The following KCNH5 variants were observed in gnomAD, a reference collection of about 807,000 sequenced individuals.
KCNH5 encodes potassium voltage-gated channel subfamily H member 5, also known as voltage-gated delayed rectifier potassium channel KCNH5.
Under a neutral mutation model 96.1 loss-of-function variants are expected in KCNH5, and 46 were observed. The ratio of observed to expected loss-of-function variants is 0.48; its 90% CI spans 0.38 to 0.61. The LOEUF is 0.61. Among genes scored for constraint, KCNH5 ranks in the 20% least tolerant of loss-of-function variants. The pLI is 0.00. For synonymous variants in KCNH5, 439 were observed against 449.8 expected (o/e 0.98, Z 0.30); for missense variants, 907 against 1,225.8 (o/e 0.74, Z 3.88).
intron 7 of KCNH5, among the ~76,000 whole-genome samples, chr14:62,946,980 G>A (rs996023728): frequency 1.3e-5 from 2 of 152,054 alleles, no homozygotes; most frequent in Non-Finnish European, 2.9e-5. Context: ...GAACAGTTCT[G>A]TATCTTGATT....
chr14:62,996,729 T>C (rs373164386), intron 4 of KCNH5, among the ~76,000 whole-genome samples: 9 of 152,296 alleles, frequency 5.9e-5, no homozygotes, highest in Middle Eastern at 3.4e-3. Context: ...TAAATAGATA[T>C]GTAGTTACTG....
intron 7 of KCNH5, among the ~76,000 whole-genome samples, chr14:62,910,941 A>ACACACACACACACACACACACC: frequency 2.1e-5 from 3 of 140,888 alleles, no homozygotes; most frequent in South Asian, 4.7e-4. Flanking sequence ...ACACACACAC[A>ACACACACACACACACACACACC]CCCCTCTGTT....
chr14:62,842,941 C>T (rs1011370145), intron 8 of KCNH5, among the ~76,000 whole-genome samples: 7 of 152,084 alleles, frequency 4.6e-5, no homozygotes, highest in African/African-American at 1.7e-4. Context: ...ATCATTCAGA[C>T]ACAATCATAT....
rs139216788 is a variant in KCNH5, at chr14:62,777,250, T to C, written c.2019+2478A>G. ...GTGGCTTTGACAAGCTAAAACAACA[T>C]GGTAGTCTAAAAAATACAGGTTTTA... On this transcript the variant is annotated intron_variant, in intron 10 of 10. Transcript: ENST00000322893. 6.1e-3 allele frequency among the ~76,000 whole-genome samples: 925 copies of C among 152,322 alleles called. 8 individuals carry two copies. Among genetic ancestry groups the C allele is most frequent in the African/African-American group, 0.021 (853 of 41,574 alleles).
chr14:63,002,204 A>T (rs1209661529), intron 3 of KCNH5, among the ~76,000 whole-genome samples: 2 of 152,058 alleles, frequency 1.3e-5, no homozygotes, highest in Non-Finnish European at 2.9e-5. Flanking sequence ...GGACTCTATC[A>T]CCTCGTTCTT....
At chr14:62,883,220 C>T (rs564753409) in intron 7 of KCNH5, among the ~76,000 whole-genome samples, 1 of 152,282 alleles carries the variant, frequency 6.6e-6, no homozygotes, top group South Asian at 2.1e-4. Context: ...ATCGGGACAA[C>T]TTTTTGAGTA....
At chr14:62,783,930 T>G (rs561476926) in intron 9 of KCNH5, among the ~76,000 whole-genome samples, 1 of 151,976 alleles carries the variant, frequency 6.6e-6, no homozygotes, top group Admixed American at 6.6e-5. Context: ...AGAAATCTAC[T>G]TTATCTTCTT....
At chr14:62,956,114 GC>G in intron 6 of KCNH5, among the ~76,000 whole-genome samples, 1 of 152,192 alleles carries the variant, frequency 6.6e-6, no homozygotes, top group Non-Finnish European at 1.5e-5. Flanking sequence ...TCTTGAACAG[GC>G]CTCCAATGCC....
chr14:62,912,037 C>CAAAAAAAAAAAAA (rs1163755853), intron 7 of KCNH5, among the ~76,000 whole-genome samples: 1 of 79,666 alleles, frequency 1.3e-5, no homozygotes, highest in Non-Finnish European at 2.4e-5. Flanking sequence ...GACTCCTAAT[C>CAAAAAAAAAAAAA]AAAAAAAAAA....
chr14:62,916,490 A>G (rs1239122972), intron 7 of KCNH5, among the ~76,000 whole-genome samples: 1 of 152,234 alleles, frequency 6.6e-6, no homozygotes, highest in Admixed American at 6.5e-5. Context: ...TGTGAGAAAT[A>G]ATTAACTTCG....
chr14:63,015,800 C>T (rs1400552118), intron 2 of KCNH5, among the ~76,000 whole-genome samples: 1 of 151,858 alleles, frequency 6.6e-6, no homozygotes, highest in East Asian at 1.9e-4. Flanking sequence ...TATTTTTGAT[C>T]TGTATTTCTC....
intron 5 of KCNH5, 120 bp from the exon 6 acceptor site, chr14:62,981,384 T>C: frequency 2.1e-6 from 2 of 935,468 alleles, no homozygotes; most frequent in Non-Finnish European, 3.2e-6. Context: ...GCCTCCCTCT[T>C]CTCCTGAGTT....
At chr14:62,861,273 T>TTTTA (rs1888027274) in intron 7 of KCNH5, among the ~76,000 whole-genome samples, 1 of 91,476 alleles carries the variant, frequency 1.1e-5, no homozygotes, top group Admixed American at 1.1e-4. Context: ...TAAAAATTGA[T>TTTTA]TTTTTTTTTT....
chr14:63,027,504 G>C lies in KCNH5; in HGVS notation c.74-10550C>G, dbSNP rs573559052. 3.4e-5 allele frequency among the ~76,000 whole-genome samples: 5 copies of C among 149,092 alleles called. No individual in the cohort carries two copies. The East Asian group carries it at 9.9e-4, about 29-fold the overall frequency. ...GAAAAAAAAAAAAAAACTCTGAGTT[G>C]TTATGTCTGATTGACTATGTGAGCA... is the stretch of plus-strand genomic sequence containing the variant. On this transcript the variant is annotated intron_variant, in intron 1 of 10. Coordinates refer to ENST00000322893, the MANE Select transcript of KCNH5 (RefSeq NM_139318.5).
intron 7 of KCNH5, among the ~76,000 whole-genome samples, chr14:62,888,307 G>A (rs574210155): frequency 3.3e-5 from 5 of 152,244 alleles, no homozygotes; most frequent in African/African-American, 1.2e-4. Context: ...GTTGTAAAAG[G>A]TTACTATGAA....
chr14:62,901,749 T>C (rs961752890), intron 7 of KCNH5, among the ~76,000 whole-genome samples: 1 of 152,230 alleles, frequency 6.6e-6, no homozygotes, highest in Non-Finnish European at 1.5e-5. Flanking sequence ...TACCCAGTAA[T>C]GGGATTGCTG....
At chr14:63,044,141 A>G (rs1311572715) in intron 1 of KCNH5, among the ~76,000 whole-genome samples, 1 of 152,214 alleles carries the variant, frequency 6.6e-6, no homozygotes, top group African/African-American at 2.4e-5. Context: ...ATGTCAAAAT[A>G]ACAGCCTCTG....
intron 7 of KCNH5, among the ~76,000 whole-genome samples, chr14:62,941,503 C>T (rs1196568791): frequency 1.3e-5 from 2 of 151,998 alleles, no homozygotes; most frequent in Non-Finnish European, 2.9e-5. Context: ...CTTGGGGCTC[C>T]ATAAAATGTT....
intron 7 of KCNH5, among the ~76,000 whole-genome samples, chr14:62,929,764 A>G (rs1168524548): frequency 6.6e-6 from 1 of 151,996 alleles, no homozygotes; most frequent in Non-Finnish European, 1.5e-5. Context: ...GGTAGTGAGC[A>G]TAGTATCCAA....
Sources: allele counts gnomAD v4.1 joint callset (sites outside exome capture counted in the v4.1 genomes callset), GRCh38; gene constraint gnomAD v4.1.1; transcripts MANE v1.5; gene names NCBI Gene and HGNC (gene_info 2026-07-23, HGNC 2026-07-21).